Variants in ETFA observed in about 807,000 individuals in gnomAD.
The protein encoded by ETFA is electron transfer flavoprotein subunit alpha, mitochondrial.
Under a neutral mutation model 46.2 loss-of-function variants are expected in ETFA, and 22 were observed. The observed-to-expected ratio is 0.48, with a 90% CI of 0.34 to 0.68. The LOEUF is 0.68. Among genes scored for constraint, ETFA ranks in the 30% least tolerant of loss-of-function variants. ETFA has a pLI of 0.01. For synonymous variants in ETFA, 131 were observed against 139.9 expected (o/e 0.94, Z 0.45); for missense variants, 345 against 401.1 (o/e 0.86, Z 1.19).
intron 1 of ETFA, 62 bp downstream of exon 1, chr15:76,311,288 C>A: frequency 6.5e-7 from 1 of 1,531,362 alleles, no homozygotes; most frequent in Non-Finnish European, 8.8e-7. Flanking sequence ...TTGCAAGACC[C>A]CATAGGGACG....
intron 8 of ETFA, among the ~76,000 whole-genome samples, chr15:76,275,039 T>C (rs1011047181): frequency 6.6e-5 from 10 of 152,078 alleles, no homozygotes; most frequent in South Asian, 2.1e-4. Flanking sequence ...GAGGGAGCCA[T>C]AGACAATACA....
chr15:76,294,593 A>G (rs113040333), intron 2 of ETFA, among the ~76,000 whole-genome samples: 71 of 152,338 alleles, frequency 4.7e-4, no homozygotes, highest in African/African-American at 1.6e-3. Context: ...TTTGTCACCC[A>G]GGCTGGAGTG....
intron 5 of ETFA, among the ~76,000 whole-genome samples, chr15:76,286,817 CA>C (rs2039709194): frequency 6.6e-6 from 1 of 152,110 alleles, no homozygotes; most frequent in Admixed American, 6.5e-5. Flanking sequence ...ATCAGTAACT[CA>C]AAACTATGAG....
intron 9 of ETFA, among the ~76,000 whole-genome samples, chr15:76,264,689 A>C (rs1368221931): frequency 6.6e-6 from 1 of 152,238 alleles, no homozygotes; most frequent in African/African-American, 2.4e-5. Context: ...AGGCTCATTT[A>C]GCTGAATATA....
At chr15:76,286,521 G>A (rs1346468283) in intron 5 of ETFA, 40 bp from the exon 6 acceptor site, 1 of 1,346,010 alleles carries the variant, frequency 7.4e-7, no homozygotes, top group Non-Finnish European at 1.1e-6. Context: ...AACAGCAAAA[G>A]GCAACAAAAC....
chr15:76,247,168 C>T (rs554006296), intron 9 of ETFA, among the ~76,000 whole-genome samples: 3 of 150,928 alleles, frequency 2.0e-5, no homozygotes, highest in African/African-American at 7.3e-5. Flanking sequence ...ACAATATGTA[C>T]TTTTTAAACC....
At chr15:76,224,378 C>A (rs2038984617) in intron 11 of ETFA, among the ~76,000 whole-genome samples, 1 of 152,200 alleles carries the variant, frequency 6.6e-6, no homozygotes, top group African/African-American at 2.4e-5. Context: ...AAGCCAAAAT[C>A]TAAGCTCTTT....
chr15:76,243,208 T>C (rs572826565), intron 9 of ETFA, among the ~76,000 whole-genome samples: 1 of 151,770 alleles, frequency 6.6e-6, no homozygotes, highest in African/African-American at 2.4e-5. Flanking sequence ...GGCAGGAGAA[T>C]TGCTTGAACC....
intron 11 of ETFA, among the ~76,000 whole-genome samples, 168 bp from the exon 12 acceptor site, chr15:76,216,765 T>G (rs2142101272): frequency 6.7e-6 from 1 of 149,700 alleles, no homozygotes; most frequent in Non-Finnish European, 1.5e-5. Context: ...TAGTCTCTCT[T>G]CCCACCCAGG....
At chr15:76,306,193 A>C (rs2039938118) in intron 1 of ETFA, among the ~76,000 whole-genome samples, 1 of 150,798 alleles carries the variant, frequency 6.6e-6, no homozygotes, top group Non-Finnish European at 1.5e-5. Context: ...ATTGTAACCT[A>C]TACCTCCACC....
intron 1 of ETFA, among the ~76,000 whole-genome samples, chr15:76,309,165 C>T (rs975083930): frequency 6.6e-5 from 10 of 152,126 alleles, no homozygotes; most frequent in African/African-American, 2.4e-4. Context: ...AACAGCTATT[C>T]TAGGCTGGGC....
intron 9 of ETFA, among the ~76,000 whole-genome samples, chr15:76,235,782 G>C (rs1314920168): frequency 1.3e-5 from 2 of 152,156 alleles, no homozygotes; most frequent in African/African-American, 4.8e-5. Flanking sequence ...CTGAGAAGTG[G>C]AAAAGCCGTT....
rs138102564 is a variant in ETFA, at chr15:76,291,213, C to G, written c.351+1218G>C. 8.2e-4 allele frequency among the ~76,000 whole-genome samples: 125 copies of G among 152,120 alleles called. 1 individual carries two copies. Among genetic ancestry groups the G allele is most frequent in the Middle Eastern group, 3.4e-3 (1 of 294 alleles). On this transcript the variant is annotated intron_variant, in intron 4 of 11. Transcript: ENST00000557943. ...TCTGGGCAACAGAGCTAGGCTGAAG[C>G]AGGCAGATCACCTGAGGTCAGGAGT...
At chr15:76,232,187 C>A (rs760846472) in intron 9 of ETFA, among the ~76,000 whole-genome samples, 2 of 152,168 alleles carry the variant, frequency 1.3e-5, no homozygotes, top group African/African-American at 2.4e-5. Flanking sequence ...GGAATGATGA[C>A]TGACACTGTT....
At chr15:76,295,549 TG>T in intron 2 of ETFA, 41 bp downstream of exon 2, 1 of 1,546,948 alleles carries the variant, frequency 6.5e-7, no homozygotes, top group Non-Finnish European at 8.9e-7. Context: ...TGTCTCTTGA[TG>T]GAGATAATAT....
intron 11 of ETFA, among the ~76,000 whole-genome samples, chr15:76,225,249 C>G (rs2038992652): frequency 1.3e-5 from 2 of 152,140 alleles, no homozygotes; most frequent in Non-Finnish European, 2.9e-5. Flanking sequence ...TGTGCATTAA[C>G]TTAGCACATG....
At chr15:76,258,985 G>A (rs1393177598) in intron 9 of ETFA, 4 of 1,599,610 alleles carry the variant, frequency 2.5e-6, no homozygotes, top group Non-Finnish European at 3.4e-6. Flanking sequence ...CTGCCTGTGA[G>A]CTAACAGCTA....
chr15:76,310,770 C>G (rs1232301143), intron 1 of ETFA, among the ~76,000 whole-genome samples: 1 of 152,176 alleles, frequency 6.6e-6, no homozygotes, highest in East Asian at 1.9e-4. Context: ...TTTACAAATA[C>G]AATCACCTAA....
At chr15:76,295,840 T>C (rs2039813653) in intron 1 of ETFA, 103 bp from the exon 2 acceptor site, 1 of 776,626 alleles carries the variant, frequency 1.3e-6, no homozygotes, top group South Asian at 1.7e-5. Context: ...AAGAAAACTA[T>C]TCTGTACACA....
Sources: gnomAD v4.1 joint callset for allele counts (sites outside exome capture counted in the v4.1 genomes callset) on GRCh38, gnomAD v4.1.1 for gene constraint, MANE v1.5 for transcripts, NCBI Gene and HGNC (gene_info 2026-07-23, HGNC 2026-07-21) for gene names.